Variants in PDS5A observed in about 807,000 individuals in gnomAD.
The protein encoded by PDS5A is sister chromatid cohesion protein PDS5 homolog A.
PDS5A carries 42 observed loss-of-function variants against 167.1 expected under a neutral mutation model. That is an observed-to-expected ratio of 0.25 (90% CI 0.20 to 0.33). PDS5A has a LOEUF of 0.33. Ranked by LOEUF, PDS5A falls within the 10% of genes least tolerant of loss-of-function variation. The pLI is 1.00. For missense variants in PDS5A, 1,033 were observed against 1,605.9 expected (o/e 0.64, Z 6.10); for synonymous variants, 553 against 554.6 (o/e 1.00, Z 0.04).
chr4:39,947,823 A>G (rs924112863), intron 2 of PDS5A, among the ~76,000 whole-genome samples: 56 of 152,122 alleles, frequency 3.7e-4, no homozygotes, highest in Non-Finnish European at 1.9e-4. Context: ...TTATCTATTC[A>G]TGAGGGACTG....
chr4:39,865,251 TG>T (rs1719333079), intron 23 of PDS5A, among the ~76,000 whole-genome samples: 1 of 152,198 alleles, frequency 6.6e-6, no homozygotes, highest in African/African-American at 2.4e-5. Context: ...TCATCTCCAC[TG>T]GGGGTCCTGC....
At chr4:39,864,944 G>A (rs775981985) in intron 23 of PDS5A, among the ~76,000 whole-genome samples, 10 of 152,236 alleles carry the variant, frequency 6.6e-5, no homozygotes, top group Non-Finnish European at 1.2e-4. Flanking sequence ...GGAGGAACAT[G>A]CTTGTGTATA....
intron 2 of PDS5A, among the ~76,000 whole-genome samples, chr4:39,967,693 C>A (rs1325688868): frequency 6.6e-6 from 1 of 151,694 alleles, no homozygotes; most frequent in Non-Finnish European, 1.5e-5. Context: ...GGCACAGTGG[C>A]TCTCTCCTGT....
intron 26 of PDS5A, among the ~76,000 whole-genome samples, chr4:39,857,842 T>C (rs1312577979): frequency 2.6e-5 from 4 of 152,144 alleles, no homozygotes; most frequent in African/African-American, 9.7e-5. Flanking sequence ...TTCTTTTTAA[T>C]TTTTAAAAAT....
At chr4:39,961,468 C>T (rs1729474433) in intron 2 of PDS5A, among the ~76,000 whole-genome samples, 1 of 152,038 alleles carries the variant, frequency 6.6e-6, no homozygotes, top group Non-Finnish European at 1.5e-5. Flanking sequence ...GCCATGTTGG[C>T]CAGGCTGGTC....
intron 26 of PDS5A, among the ~76,000 whole-genome samples, chr4:39,854,294 C>T (rs1453139821): frequency 1.3e-5 from 2 of 152,132 alleles, no homozygotes; most frequent in Non-Finnish European, 2.9e-5. Flanking sequence ...CAGAACGAGA[C>T]TCCATCTCAA....
chr4:39,903,982 ATTT>A (rs759323289), intron 12 of PDS5A, 55 bp downstream of exon 12: 185 of 978,576 alleles, frequency 1.9e-4, no homozygotes, highest in Non-Finnish European at 2.5e-4. Flanking sequence ...TTAAATAGAC[ATTT>A]TTTAAGTAAA....
At chr4:39,902,859 T>C (rs1722998601) in intron 12 of PDS5A, among the ~76,000 whole-genome samples, 1 of 152,124 alleles carries the variant, frequency 6.6e-6, no homozygotes. Context: ...TATGCCAGGA[T>C]ACCATATCAA....
intron 2 of PDS5A, among the ~76,000 whole-genome samples, chr4:39,947,620 CA>C (rs1481338195): frequency 2.6e-5 from 4 of 151,868 alleles, no homozygotes; most frequent in South Asian, 2.1e-4. Flanking sequence ...TTAAAACAAA[CA>C]AAAAAAATTG....
chr4:39,872,505 A>T lies in PDS5A; in HGVS notation c.2436+481T>A, dbSNP rs112436824. Reference sequence around the variant, plus strand: ...CATAGCGAAACCCCGTCTCTACTAAAAACACAAAAATTAGCCAGGCGTGGT... The same window carrying T: ...CATAGCGAAACCCCGTCTCTACTAATAACACAAAAATTAGCCAGGCGTGGT... On this transcript the variant is annotated intron_variant, in intron 21 of 32. Coordinates refer to ENST00000303538, the MANE Select transcript of PDS5A (RefSeq NM_001100399.2). 9.4e-3 allele frequency among the ~76,000 whole-genome samples: 1,426 copies of T among 152,112 alleles called. 21 individuals are homozygous for T. Among genetic ancestry groups the T allele is most frequent in the African/African-American group, 0.033 (1,360 of 41,492 alleles).
chr4:39,929,300 C>G (rs1175739718), intron 2 of PDS5A, among the ~76,000 whole-genome samples: 1 of 151,644 alleles, frequency 6.6e-6, no homozygotes, highest in Non-Finnish European at 1.5e-5. Context: ...CTGGTGGGCA[C>G]AATCTAATCA....
At chr4:39,854,183 G>C (rs1260323740) in intron 26 of PDS5A, among the ~76,000 whole-genome samples, 1 of 152,050 alleles carries the variant, frequency 6.6e-6, no homozygotes, top group Non-Finnish European at 1.5e-5. Flanking sequence ...CATGCCTGTA[G>C]TCCCAGCTAC....
intron 17 of PDS5A, among the ~76,000 whole-genome samples, chr4:39,885,658 T>C (rs1256391194): frequency 4.0e-5 from 6 of 151,812 alleles, no homozygotes; most frequent in South Asian, 2.1e-4. Context: ...CTCACGCCTG[T>C]AATCCCAACA....
chr4:39,947,584 A>G (rs144240163), intron 2 of PDS5A, among the ~76,000 whole-genome samples: 1 of 152,192 alleles, frequency 6.6e-6, no homozygotes, highest in African/African-American at 2.4e-5. Context: ...CATAAAGTAC[A>G]CTAACACTAA....
chr4:39,889,002 A>ATT (rs1721736333), intron 17 of PDS5A, among the ~76,000 whole-genome samples: 8 of 152,238 alleles, frequency 5.3e-5, no homozygotes, highest in Admixed American at 5.2e-4. Flanking sequence ...CATAGCCTGA[A>ATT]TATATGTACA....
intron 32 of PDS5A, among the ~76,000 whole-genome samples, chr4:39,830,826 CCTCT>C (rs1244010433): frequency 6.6e-6 from 1 of 152,154 alleles, no homozygotes; most frequent in Admixed American, 6.5e-5. Flanking sequence ...TCTCGGTTTT[CCTCT>C]CTAATCCTAA....
chr4:39,853,665 A>C (rs1718300107), intron 26 of PDS5A, among the ~76,000 whole-genome samples: 1 of 151,944 alleles, frequency 6.6e-6, no homozygotes, highest in Admixed American at 6.6e-5. Context: ...CTTTTTGAAG[A>C]CCTCACCTCA....
intron 1 of PDS5A, 52 bp from the exon 2 acceptor site, chr4:39,976,669 C>G (rs1020997283): frequency 1.6e-4 from 151 of 926,860 alleles, no homozygotes; most frequent in Non-Finnish European, 2.5e-5. Context: ...TTTGTAACCT[C>G]TTTTTTCATT....
rs779021674 is a variant in PDS5A, at chr4:39,874,264, A to T, written c.2277+25T>A. On this transcript the variant is annotated intron_variant, in intron 20 of 32. Coordinates refer to ENST00000303538, the MANE Select transcript of PDS5A (RefSeq NM_001100399.2). ...AGCTTAAAAAATAAAGACCAATATA[A>T]ACACAACCTATATATTAGATATACC... 3.8e-6 allele frequency: 6 copies of T among 1,587,758 alleles called. No homozygotes were observed. The Admixed American group carries it at 1.1e-4, about 28-fold the overall frequency.
Sources: allele counts gnomAD v4.1 joint callset (sites outside exome capture counted in the v4.1 genomes callset), GRCh38; gene constraint gnomAD v4.1.1; transcripts MANE v1.5; gene names NCBI Gene and HGNC (gene_info 2026-07-23, HGNC 2026-07-21).